Variants in XXYLT1 observed in about 807,000 individuals in gnomAD.
XXYLT1 encodes the protein UDP-xylose:alpha-xyloside alpha-1,3-xylosyltransferase.
In XXYLT1, 20 loss-of-function variants were observed where a neutral mutation model predicts 28.9. That is an observed-to-expected ratio of 0.69 (90% CI 0.49 to 1.00). The LOEUF (loss-of-function observed/expected upper bound fraction) is 1.00, where lower values mean the gene tolerates loss of function less well. XXYLT1 is among the 50% of genes least tolerant of loss of function. XXYLT1 has a pLI of 0.00. For synonymous variants in XXYLT1, 257 were observed against 253.8 expected, an observed-to-expected ratio of 1.01 and a Z score of -0.12; for missense variants, 542 against 560.1, an observed-to-expected ratio of 0.97 and a Z score of 0.33.
In XXYLT1 at chr3:195,256,850, C is replaced by T. The variant is rs577895706; in HGVS notation, c.504+13705G>A. Among the ~76,000 whole-genome samples the T allele has an allele frequency of 1.5e-4, 23 of 152,336 alleles. No homozygotes were observed. The highest frequency in any genetic ancestry group is 9.1e-4 in the Admixed American group (14 of 15,310). On this transcript the variant is annotated intron_variant, in intron 1 of 3. Coordinates refer to ENST00000310380, the MANE Select transcript of XXYLT1 (RefSeq NM_152531.5). The surrounding 1 kb of genome is among the most constrained non-coding windows in gnomAD (Gnocchi z 4.2). ...CCAGGGGCAGGTGCAGGCTGAAGAG[C>T]TTGCCCAGGGCACTGCCTGCCAGCC...
intron 3 of XXYLT1, among the ~76,000 whole-genome samples, chr3:195,098,691 T>C (rs374550958): frequency 6.6e-6 from 1 of 152,286 alleles, no homozygotes; most frequent in Non-Finnish European, 1.5e-5. Context: ...CTCGCTGCGC[T>C]GGCCCCTGCT....
At chr3:195,146,672 A>C (rs1719869975) in intron 3 of XXYLT1, 1 of 152,164 alleles carries the variant, frequency 6.6e-6, no homozygotes, top group South Asian at 2.1e-4. Flanking sequence ...TGTGATACCC[A>C]CTTCTTAGCA....
chr3:195,138,949 G>A (rs1193667833), intron 3 of XXYLT1, among the ~76,000 whole-genome samples: 3 of 152,020 alleles, frequency 2.0e-5, no homozygotes, highest in Non-Finnish European at 4.4e-5. Flanking sequence ...CCTAGACAGA[G>A]GGAGAGCATC....
chr3:195,160,300 GA>G (rs1262494727), intron 2 of XXYLT1, among the ~76,000 whole-genome samples: 1 of 152,230 alleles, frequency 6.6e-6, no homozygotes, highest in Admixed American at 6.5e-5. Flanking sequence ...AGGGGCAGGT[GA>G]ACCATGCAAG....
chr3:195,242,245 C>G (rs112916354), intron 1 of XXYLT1, among the ~76,000 whole-genome samples: 35 of 152,224 alleles, frequency 2.3e-4, no homozygotes, highest in Non-Finnish European at 4.4e-4. Flanking sequence ...ATGTGCTTCT[C>G]CATCCCAGCC....
At chr3:195,095,469 G>C (rs908160776) in intron 3 of XXYLT1, 3 of 153,868 alleles carry the variant, frequency 1.9e-5, no homozygotes, top group Admixed American at 1.3e-4. Flanking sequence ...GGAAGGCAGG[G>C]GGACAGCTCC....
At chr3:195,199,193 G>C (rs1447372211) in intron 2 of XXYLT1, among the ~76,000 whole-genome samples, 1 of 152,192 alleles carries the variant, frequency 6.6e-6, no homozygotes, top group African/African-American at 2.4e-5. Flanking sequence ...TAGGAGTCCA[G>C]ACCCAACAAG....
rs192779411 is a variant in XXYLT1, at chr3:195,186,446, C to T, written c.653-29865G>A. Among the ~76,000 whole-genome samples the T allele has an allele frequency of 1.6e-3, 250 of 152,334 alleles. 1 individual carries two copies. Among genetic ancestry groups the T allele is most frequent in the African/African-American group, 5.8e-3 (243 of 41,564 alleles). On this transcript the variant is annotated intron_variant, in intron 2 of 3. Coordinates refer to ENST00000310380, the MANE Select transcript of XXYLT1 (RefSeq NM_152531.5). The stretch of plus-strand genomic sequence containing the variant: ...TAGCCTGACCGGGGTGTGCTCCAGG[C>T]AGCTAAGGCTTCAGCTTCTGGGGCA...
intron 3 of XXYLT1, among the ~76,000 whole-genome samples, chr3:195,143,843 G>T (rs58716831): frequency 0.01 from 906 of 88,920 alleles, 84 homozygotes; most frequent in African/African-American, 0.037. Flanking sequence ...TATAGATATA[G>T]ATATATATAT....
rs548142910 is a variant in XXYLT1 at position 195,155,433 on chromosome 3, G to A, written c.785+1016C>T. On this transcript the variant is annotated intron_variant, in intron 3 of 3. Coordinates refer to ENST00000310380, the MANE Select transcript of XXYLT1 (RefSeq NM_152531.5). The stretch of plus-strand genomic sequence containing the variant: ...GCAGCTCTGCTCTGGGTGTGCTATC[G>A]CTCTACCCGCTGGAGAAACAGCCAG... 7.2e-5 allele frequency among the ~76,000 whole-genome samples: 11 copies of A among 152,180 alleles called. No homozygotes were observed. In the South Asian group the frequency reaches 1.5e-3, roughly 20 times the overall value.
intron 3 of XXYLT1, chr3:195,094,557 A>G (rs1716310583): frequency 6.5e-6 from 1 of 153,948 alleles, no homozygotes; most frequent in African/African-American, 2.4e-5. Context: ...GCCAAGATCT[A>G]AGCGCTTCGA....
chr3:195,164,309 G>C (rs918505770), intron 2 of XXYLT1, among the ~76,000 whole-genome samples: 5 of 152,194 alleles, frequency 3.3e-5, no homozygotes, highest in African/African-American at 1.2e-4. Context: ...GAGCCTCCTT[G>C]CTGCAGTGGA....
chr3:195,185,506 T>G (rs1353860752), intron 2 of XXYLT1, among the ~76,000 whole-genome samples: 1 of 110,978 alleles, frequency 9.0e-6, no homozygotes, highest in Non-Finnish European at 1.8e-5. Flanking sequence ...GGGCTGGGTT[T>G]TTTTTTTTTT....
chr3:195,142,552 G>A (rs558593672), intron 3 of XXYLT1, among the ~76,000 whole-genome samples: 8 of 152,298 alleles, frequency 5.3e-5, no homozygotes, highest in East Asian at 1.9e-4. Context: ...CTGAAAAAAG[G>A]GGCCACCTAA....
chr3:195,143,038 T>A (rs1033127905), intron 3 of XXYLT1, among the ~76,000 whole-genome samples: 10 of 152,220 alleles, frequency 6.6e-5, no homozygotes, highest in African/African-American at 2.4e-4. Context: ...ATCTTTTCAT[T>A]TTCTTTCAAA....
intron 3 of XXYLT1, among the ~76,000 whole-genome samples, chr3:195,137,173 G>A (rs969972617): frequency 6.6e-6 from 1 of 152,184 alleles, no homozygotes; most frequent in Non-Finnish European, 1.5e-5. Flanking sequence ...AGAAAAAAGT[G>A]GAGGGAGAAA....
intron 1 of XXYLT1, among the ~76,000 whole-genome samples, chr3:195,236,958 G>A (rs1439533012): frequency 6.6e-6 from 1 of 152,136 alleles, no homozygotes; most frequent in Non-Finnish European, 1.5e-5. Context: ...TGACTGAGCT[G>A]GTACCCAAGT....
intron 3 of XXYLT1, among the ~76,000 whole-genome samples, chr3:195,139,134 A>T (rs949454343): frequency 6.6e-6 from 1 of 152,168 alleles, no homozygotes; most frequent in Non-Finnish European, 1.5e-5. Flanking sequence ...AATGTCTAGC[A>T]TACAGCAGGT....
intron 2 of XXYLT1, among the ~76,000 whole-genome samples, chr3:195,157,677 CG>C (rs940992246): frequency 6.6e-6 from 1 of 152,020 alleles, no homozygotes; most frequent in African/African-American, 2.4e-5. Flanking sequence ...GAGAGACATG[CG>C]GGTGGCAAAA....
Sources: allele counts gnomAD v4.1 joint callset (sites outside exome capture counted in the v4.1 genomes callset), GRCh38; gene constraint gnomAD v4.1.1; non-coding constraint Gnocchi (gnomAD v3.1); transcripts MANE v1.5; gene names NCBI Gene and HGNC (gene_info 2026-07-23, HGNC 2026-07-21).